The following TENM2 variants were observed in gnomAD, a reference collection of about 807,000 sequenced individuals.
The protein encoded by TENM2 is teneurin transmembrane protein 2.
TENM2 carries 52 observed loss-of-function variants against 245.2 expected under a neutral mutation model. That is an observed-to-expected ratio of 0.21 (90% CI 0.17 to 0.27). TENM2 has a LOEUF of 0.27. TENM2 is among the 10% of genes least tolerant of loss of function. The pLI, the probability that TENM2 is intolerant of heterozygous loss-of-function variation, is 1.00. For missense variants in TENM2, 3,046 were observed against 3,666.8 expected (o/e 0.83, Z 4.37); for synonymous variants, 1,363 against 1,438.9 (o/e 0.95, Z 1.19).
Position 167,731,478 on chromosome 5 carries a change from G to A in TENM2, c.503-144508G>A, listed in dbSNP as rs566738142. On this transcript the variant is annotated intron_variant, in intron 2 of 28. Transcript: ENST00000518659. ...TCTGAACTTCCTAATGGTTGAACCC[G>A]GTCAGAAGAGGGTGAATCTCAGTCC... is the stretch of plus-strand genomic sequence containing the variant. Among the ~76,000 whole-genome samples, 6 of 152,164 alleles carry A rather than the reference G, an allele frequency of 3.9e-5. No homozygotes were observed. The South Asian group carries it at 6.2e-4, about 16-fold the overall frequency.
the TENM2 span, among the ~76,000 whole-genome samples, chr5:166,979,228 CAG>C: frequency 1.1e-4 from 17 of 151,848 alleles, no homozygotes; most frequent in East Asian, 9.7e-4. Flanking sequence ...GCAGCAGCAG[CAG>C]CAGCAGCCGC....
chr5:167,682,848 A>G (rs1756826465), intron 2 of TENM2, among the ~76,000 whole-genome samples: 1 of 152,312 alleles, frequency 6.6e-6, no homozygotes, highest in Non-Finnish European at 1.5e-5. Flanking sequence ...TAGATGCTTG[A>G]TAAAATGTAA....
At chr5:166,993,827 T>C in the TENM2 span, among the ~76,000 whole-genome samples, 1 of 152,238 alleles carries the variant, frequency 6.6e-6, no homozygotes, top group East Asian at 1.9e-4. Context: ...GAAATAGTAA[T>C]GTAGGAATTA....
chr5:167,137,468 A>C, the TENM2 span, among the ~76,000 whole-genome samples: 1 of 152,194 alleles, frequency 6.6e-6, no homozygotes, highest in Non-Finnish European at 1.5e-5. Flanking sequence ...CATGTGCCAC[A>C]CTTAGGGAAT....
At chr5:167,431,967 A>T (rs1764274921) in intron 2 of TENM2, among the ~76,000 whole-genome samples, 1 of 142,776 alleles carries the variant, frequency 7.0e-6, no homozygotes, top group South Asian at 2.1e-4. Context: ...ATATGTATAT[A>T]TATATATATA....
intron 2 of TENM2, among the ~76,000 whole-genome samples, chr5:167,715,358 T>G (rs1759188683): frequency 6.6e-6 from 1 of 152,140 alleles, no homozygotes; most frequent in Non-Finnish European, 1.5e-5. Flanking sequence ...TTTGAGGATT[T>G]CTTAAGAAGT....
Position 168,161,817 on chromosome 5 carries a change from TACACAC to T in TENM2, c.2423-772_2423-767del, listed in dbSNP as rs113801768. Among the ~76,000 whole-genome samples the T allele has an allele frequency of 2.3e-3, 333 of 147,358 alleles. 3 individuals carry two copies. The highest frequency in any genetic ancestry group is 0.017 in the Middle Eastern group (5 of 290). On this transcript the variant is annotated intron_variant, in intron 12 of 28. Coordinates refer to ENST00000518659, the Ensembl canonical transcript of TENM2. ...TTGCACAGACACGTGAGCGCATGTA[TACACAC>T]ACACACACACACACACACACATCAA...
At chr5:168,172,858 T>G (rs577594435) in intron 13 of TENM2, among the ~76,000 whole-genome samples, 1 of 152,280 alleles carries the variant, frequency 6.6e-6, no homozygotes, top group African/African-American at 2.4e-5. Context: ...GCCCAAGGCC[T>G]GTGCTCTTTT....
At chr5:167,562,739 C>A (rs1773673683) in intron 2 of TENM2, among the ~76,000 whole-genome samples, 1 of 151,924 alleles carries the variant, frequency 6.6e-6, no homozygotes, top group African/African-American at 2.4e-5. Flanking sequence ...GGTGGATCAC[C>A]TGAGGTCAGG....
intron 3 of TENM2, among the ~76,000 whole-genome samples, chr5:167,948,018 C>T (rs535720443): frequency 1.8e-4 from 28 of 152,278 alleles, no homozygotes; most frequent in African/African-American, 5.1e-4. Flanking sequence ...AACCTAAACA[C>T]GTCCTCCAGC....
intron 2 of TENM2, among the ~76,000 whole-genome samples, chr5:167,671,926 A>G (rs1407030328): frequency 6.6e-6 from 1 of 152,030 alleles, no homozygotes; most frequent in Non-Finnish European, 1.5e-5. Context: ...ATGATCTTTT[A>G]TGGAACTCAT....
intron 2 of TENM2, among the ~76,000 whole-genome samples, chr5:167,469,973 A>G (rs543979027): frequency 1.3e-5 from 2 of 152,170 alleles, no homozygotes; most frequent in Non-Finnish European, 1.5e-5. Context: ...CTCTATGCAC[A>G]TATAATATTT....
At chr5:167,737,450 G>A (rs1483953633) in intron 2 of TENM2, among the ~76,000 whole-genome samples, 1 of 152,170 alleles carries the variant, frequency 6.6e-6, no homozygotes, top group Non-Finnish European at 1.5e-5. Flanking sequence ...TGCTGCTTTC[G>A]AAGGTCCATG....
the TENM2 span, among the ~76,000 whole-genome samples, chr5:167,204,698 CAGGG>C: frequency 0.16 from 24,117 of 152,040 alleles, 1,975 homozygotes; most frequent in South Asian, 0.2. Flanking sequence ...AACAGTCACT[CAGGG>C]AGAACTGTGT....
intron 1 of TENM2, among the ~76,000 whole-genome samples, chr5:167,316,710 C>T (rs939954240): frequency 5.9e-5 from 9 of 152,036 alleles, no homozygotes; most frequent in South Asian, 2.1e-4. Flanking sequence ...GAGTACAATC[C>T]GTAGAGTCAG....
intron 2 of TENM2, among the ~76,000 whole-genome samples, chr5:167,424,227 GC>G (rs1483142066): frequency 6.6e-6 from 1 of 151,840 alleles, no homozygotes; most frequent in Non-Finnish European, 1.5e-5. Context: ...CATTCTTCCG[GC>G]CCCGTTTACC....
chr5:167,948,712 T>G (rs928251144), intron 3 of TENM2: 2 of 152,204 alleles, frequency 1.3e-5, no homozygotes, highest in African/African-American at 2.4e-5. Flanking sequence ...CTTATATAGT[T>G]TCTTATGTTT....
rs192265832 is a variant in TENM2, at chr5:168,093,647, C to T, written c.1711+2878C>T. Among the ~76,000 whole-genome samples, 258 of 152,260 alleles carry T rather than the reference C, an allele frequency of 1.7e-3. 1 individual carries two copies. The highest frequency in any genetic ancestry group is 4.3e-4 in the Non-Finnish European group (29 of 68,030). ...CTGCTTTCAGAAACAAGTTTCTTCT[C>T]GAGACAACAGAGCAGCTTTCTGGAA... On this transcript the variant is annotated intron_variant, in intron 8 of 28. Transcript: ENST00000518659.
At chr5:167,209,666 T>C in the TENM2 span, among the ~76,000 whole-genome samples, 1 of 152,216 alleles carries the variant, frequency 6.6e-6, no homozygotes, top group East Asian at 1.9e-4. Flanking sequence ...AATCACTTTT[T>C]CTTTCCTCAT....
Sources: gnomAD v4.1 joint callset for allele counts (sites outside exome capture counted in the v4.1 genomes callset) on GRCh38, gnomAD v4.1.1 for gene constraint, MANE v1.5 for transcripts, NCBI Gene and HGNC (gene_info 2026-07-23, HGNC 2026-07-21) for gene names.